Variants in PRKN observed in about 807,000 individuals in gnomAD.
The protein encoded by PRKN is E3 ubiquitin-protein ligase parkin.
In PRKN, 56 loss-of-function variants were observed where a neutral mutation model predicts 59.5. The observed-to-expected ratio is 0.94, with a 90% CI of 0.76 to 1.18. The LOEUF is 1.18. Among genes scored for constraint, PRKN ranks in the 50% most tolerant of loss-of-function variants. The pLI, the probability that PRKN is intolerant of heterozygous loss-of-function variation, is 0.00. For synonymous variants in PRKN, 250 were observed against 222.1 expected (o/e 1.13, Z -1.12); for missense variants, 657 against 596.4 (o/e 1.10, Z -1.06).
intron 10 of PRKN, among the ~76,000 whole-genome samples, chr6:161,368,196 C>T (rs888852344): frequency 1.3e-5 from 2 of 150,604 alleles, no homozygotes; most frequent in East Asian, 3.9e-4. Context: ...GAGGCCAGTG[C>T]GACGGTCAGG....
At chr6:162,292,993 AG>A (rs1267736433) in intron 2 of PRKN, among the ~76,000 whole-genome samples, 1 of 152,168 alleles carries the variant, frequency 6.6e-6, no homozygotes, top group Non-Finnish European at 1.5e-5. Context: ...ATGAAGGGCA[AG>A]GAGGAGGTCA....
intron 2 of PRKN, among the ~76,000 whole-genome samples, chr6:162,398,037 A>AG (rs1787564235): frequency 1.3e-5 from 1 of 74,440 alleles, no homozygotes; most frequent in Admixed American, 1.1e-4. Context: ...ATTCTGACTC[A>AG]AAAAAAAAAA....
rs1328422916 is a variant in PRKN, at chr6:162,689,799, C to T, written c.7+37863G>A. Among the ~76,000 whole-genome samples the T allele has an allele frequency of 3.3e-5, 5 of 152,288 alleles. No individual in the cohort carries two copies. In the East Asian group the frequency reaches 5.8e-4, roughly 18 times the overall value. On this transcript the variant is annotated intron_variant, in intron 1 of 11. Coordinates refer to ENST00000366898, the MANE Select transcript of PRKN (RefSeq NM_004562.3). ...CTCAGAAGCCTAAAGGCATGAATCACGCAAGAGTGTAAAACAGTAGAGCGA... is the reference window on the plus strand; with the variant it reads ...CTCAGAAGCCTAAAGGCATGAATCATGCAAGAGTGTAAAACAGTAGAGCGA...
chr6:161,365,162 GAAGTAA>G (rs67794902), intron 10 of PRKN, among the ~76,000 whole-genome samples: 40,547 of 151,840 alleles, frequency 0.27, 5,695 homozygotes, highest in Middle Eastern at 0.38. Context: ...AGAAAGGCAA[GAAGTAA>G]AAGTAAAACT....
At chr6:161,845,776 G>T (rs1210488862) in intron 6 of PRKN, among the ~76,000 whole-genome samples, 4 of 152,086 alleles carry the variant, frequency 2.6e-5, no homozygotes, top group Non-Finnish European at 4.4e-5. Flanking sequence ...CAGGACAATG[G>T]GACATTTGTA....
At chr6:161,967,489 T>C (rs1190169513) in intron 6 of PRKN, among the ~76,000 whole-genome samples, 4 of 152,202 alleles carry the variant, frequency 2.6e-5, no homozygotes, top group Non-Finnish European at 5.9e-5. Flanking sequence ...AAAGAAATTG[T>C]GGTATTCTCT....
chr6:161,522,234 G>A (rs2115361235), intron 9 of PRKN, among the ~76,000 whole-genome samples: 1 of 152,264 alleles, frequency 6.6e-6, no homozygotes, highest in Admixed American at 6.5e-5. Context: ...CCAAAGCTTG[G>A]GCTGTGTGAA....
chr6:162,569,434 C>T (rs1431402312), intron 1 of PRKN: 1 of 685,456 alleles, frequency 1.5e-6, no homozygotes, highest in Non-Finnish European at 2.8e-6. Context: ...CCCTGGACAT[C>T]GAGATTGCCA....
chr6:161,495,365 T>G (rs1027147834), intron 9 of PRKN, among the ~76,000 whole-genome samples: 3 of 152,110 alleles, frequency 2.0e-5, no homozygotes, highest in Non-Finnish European at 4.4e-5. Context: ...GTGTATCTTC[T>G]CCTCCCGATG....
In PRKN at chr6:161,545,352, C is replaced by T; in HGVS notation, c.1083+3502G>A. The T allele has an allele frequency of 6.2e-7, 1 of 1,608,696 alleles. No homozygotes were observed. Among genetic ancestry groups the T allele is most frequent in the Non-Finnish European group, 8.5e-7 (1 of 1,177,704 alleles). On this transcript the variant is annotated intron_variant, in intron 9 of 11. Transcript: ENST00000366898. The surrounding 1 kb of genome is among the most constrained non-coding windows in gnomAD (Gnocchi z 4.1). ...ACTCTGTAATTCTTCTATAGCTTTG[C>T]TACCAATGACTTTTCCTTGAACGAT...
At chr6:162,210,267 T>C (rs1583203316) in intron 3 of PRKN, among the ~76,000 whole-genome samples, 1 of 152,108 alleles carries the variant, frequency 6.6e-6, no homozygotes, top group African/African-American at 2.4e-5. Flanking sequence ...ATTGTCTCAG[T>C]AGACAATAAT....
intron 9 of PRKN, among the ~76,000 whole-genome samples, chr6:161,510,318 C>T (rs1245375294): frequency 1.3e-5 from 2 of 151,816 alleles, no homozygotes; most frequent in South Asian, 2.1e-4. Flanking sequence ...CGTGATTGTC[C>T]CTGAGATCGC....
intron 4 of PRKN, among the ~76,000 whole-genome samples, chr6:162,066,438 G>A (rs1388895223): frequency 6.6e-6 from 1 of 152,064 alleles, no homozygotes; most frequent in African/African-American, 2.4e-5. Flanking sequence ...GTCTAGATAT[G>A]TCCCCTAAAA....
At chr6:162,488,678 C>T (rs1179287835) in intron 1 of PRKN, among the ~76,000 whole-genome samples, 5 of 152,154 alleles carry the variant, frequency 3.3e-5, no homozygotes, top group African/African-American at 1.2e-4. Flanking sequence ...CAATACTGCT[C>T]ACTGCATAGG....
Position 162,235,902 on chromosome 6 carries a change from AAAGGAAGGAAGGAAGGAAGGAAGG to A in PRKN, c.412+26599_412+26622del, listed in dbSNP as rs777894905. On this transcript the variant is annotated intron_variant, in intron 3 of 11. Transcript: ENST00000366898. ...AAGAGAGAGAAAGAAAGAAAGAAGG[AAAGGAAGGAAGGAAGGAAGGAAGG>A]AAGGAAGGAAGGAAGGAAGGAAGGA... 3.5e-3 allele frequency among the ~76,000 whole-genome samples: 254 copies of A among 73,316 alleles called. 9 individuals carry two copies. The highest frequency in any genetic ancestry group is 0.013 in the African/African-American group (217 of 16,480). The allele number at this position is 73,316 out of a possible 152,430, so 48.1% of individuals were successfully genotyped here. A position where few individuals can be genotyped will look rare whatever the true frequency, so the allele number is the denominator to read the frequency against.
At chr6:161,891,560 T>G (rs1414335801) in intron 6 of PRKN, among the ~76,000 whole-genome samples, 1 of 152,124 alleles carries the variant, frequency 6.6e-6, no homozygotes, top group Non-Finnish European at 1.5e-5. Context: ...CTACAGCAAG[T>G]TTGTTTTTAG....
chr6:161,467,133 C>G lies in PRKN; in HGVS notation c.1084-80256G>C, dbSNP rs113938322. On this transcript the variant is annotated intron_variant, in intron 9 of 11. Coordinates refer to ENST00000366898, the MANE Select transcript of PRKN (RefSeq NM_004562.3). The surrounding 1 kb of genome is among the most constrained non-coding windows in gnomAD (Gnocchi z 4.3). Reference sequence around the variant, plus strand: ...CTCATTACTGCTCATCAGTGTCCTGCTGCTGGGGGAGCCATTTGTGCTGAC... The same window carrying G: ...CTCATTACTGCTCATCAGTGTCCTGGTGCTGGGGGAGCCATTTGTGCTGAC... Among the ~76,000 whole-genome samples, 1 of 152,220 alleles carries G rather than the reference C, an allele frequency of 6.6e-6. No homozygotes were observed. Among genetic ancestry groups the G allele is most frequent in the African/African-American group, 2.4e-5 (1 of 41,456 alleles).
chr6:162,677,484 A>G (rs1041128824), intron 1 of PRKN, among the ~76,000 whole-genome samples: 1 of 151,676 alleles, frequency 6.6e-6, no homozygotes, highest in Non-Finnish European at 1.5e-5. Context: ...AAAAAAAAAA[A>G]AAAACACTCT....
chr6:162,040,638 C>T (rs1261048934), intron 5 of PRKN, among the ~76,000 whole-genome samples: 5 of 140,564 alleles, frequency 3.6e-5, no homozygotes, highest in East Asian at 2.2e-4. Context: ...CCAGGCTGGT[C>T]TTGAACTCCT....
Sources: allele counts gnomAD v4.1 joint callset (sites outside exome capture counted in the v4.1 genomes callset), GRCh38; gene constraint gnomAD v4.1.1; non-coding constraint Gnocchi (gnomAD v3.1); transcripts MANE v1.5; gene names NCBI Gene and HGNC (gene_info 2026-07-23, HGNC 2026-07-21).